AASDH: variants seen among roughly 807,000 people sequenced by gnomAD.
AASDH encodes beta-alanine-activating enzyme.
Under a neutral mutation model 102.3 loss-of-function variants are expected in AASDH, and 81 were observed. The ratio of observed to expected loss-of-function variants is 0.79; its 90% CI spans 0.66 to 0.95. The LOEUF (loss-of-function observed/expected upper bound fraction) is 0.95. Among genes scored for constraint, AASDH ranks in the 40% least tolerant of loss-of-function variants. AASDH has a pLI of 0.00. For synonymous variants in AASDH, 398 were observed against 454.0 expected (o/e 0.88, Z 1.57); for missense variants, 1,203 against 1,266.2 (o/e 0.95, Z 0.76).
intron 5 of AASDH, chr4:56,356,213 G>A: frequency 1.3e-6 from 1 of 756,220 alleles, no homozygotes; most frequent in Non-Finnish European, 2.4e-6. Flanking sequence ...CAAGAAAGTG[G>A]TGAATCCCCT....
intron 11 of AASDH, among the ~76,000 whole-genome samples, chr4:56,345,574 C>T (rs2109857493): frequency 6.6e-6 from 1 of 152,220 alleles, no homozygotes; most frequent in African/African-American, 2.4e-5. Flanking sequence ...TAATAAAGTA[C>T]ACTGTGGTGG....
chr4:56,362,623 T>C (rs955600769), intron 5 of AASDH, among the ~76,000 whole-genome samples: 7 of 152,148 alleles, frequency 4.6e-5, no homozygotes, highest in African/African-American at 1.7e-4. Context: ...GGTTTTTATT[T>C]GTAAATAAAA....
At chr4:56,387,080 C>T (rs1753657355) in intron 1 of AASDH, among the ~76,000 whole-genome samples, 1 of 152,148 alleles carries the variant, frequency 6.6e-6, no homozygotes, top group Non-Finnish European at 1.5e-5. Context: ...GCTTCCTAAA[C>T]ATTTCTTCAT....
chr4:56,385,249 T>C (rs999611675), intron 1 of AASDH, among the ~76,000 whole-genome samples: 2 of 152,198 alleles, frequency 1.3e-5, no homozygotes, highest in Non-Finnish European at 2.9e-5. Flanking sequence ...ATAAAAACAG[T>C]GTTTATTACT....
chr4:56,384,481 A>G, intron 1 of AASDH, 140 bp from the exon 2 acceptor site: 1 of 570,282 alleles, frequency 1.8e-6, no homozygotes, highest in East Asian at 2.9e-5. Context: ...TGAACTTATG[A>G]AATTATGGTA....
intron 11 of AASDH, among the ~76,000 whole-genome samples, chr4:56,348,589 A>G (rs1748600056): frequency 6.6e-6 from 1 of 152,142 alleles, no homozygotes; most frequent in Non-Finnish European, 1.5e-5. Context: ...AAGAAAACAA[A>G]AAATGATGGT....
chr4:56,349,752 T>C lies in AASDH; in HGVS notation c.1999A>G (p.Met667Val). ...SGTSLHQKAI[M>V]TFTCHNEINA... is the part of the protein sequence containing the mutation. ...ATCTCATTGTGGCAAGTGAAAGTCA[T>C]GATGGCTTTCTGATGTAAAGATGTT... Residue 667 changes from methionine to valine, a missense_variant, in exon 11 of 15, where the codon ATG becomes GTG. Coordinates refer to ENST00000205214, the MANE Select transcript of AASDH (RefSeq NM_181806.4). 6.2e-7 allele frequency: 1 copy of C among 1,614,214 alleles called. No individual in the cohort carries two copies. Among genetic ancestry groups the C allele is most frequent in the Non-Finnish European group, 8.5e-7 (1 of 1,180,028 alleles).
chr4:56,350,109 A>C, intron 10 of AASDH, 51 bp from the exon 11 acceptor site: 3 of 1,380,394 alleles, frequency 2.2e-6, no homozygotes, highest in Non-Finnish European at 2.9e-6. Context: ...TAAAAGCAAA[A>C]GACTTCAACA....
intron 4 of AASDH, among the ~76,000 whole-genome samples, chr4:56,376,301 A>G (rs1752333769): frequency 6.6e-6 from 1 of 152,192 alleles, no homozygotes; most frequent in South Asian, 2.1e-4. Context: ...GTGGGATTAC[A>G]GGCATGAGCC....
intron 3 of AASDH, 104 bp from the exon 4 acceptor site, chr4:56,378,568 G>A: frequency 9.5e-7 from 1 of 1,051,374 alleles, no homozygotes; most frequent in Non-Finnish European, 1.4e-6. Context: ...TATCCTTGGG[G>A]GAATTGGTTC....
intron 5 of AASDH, among the ~76,000 whole-genome samples, chr4:56,370,042 G>A (rs1442290717): frequency 1.3e-5 from 2 of 151,704 alleles, no homozygotes; most frequent in Non-Finnish European, 2.9e-5. Context: ...CTGAATGTTT[G>A]TGTCTCCCCC....
Position 56,355,408 on chromosome 4 carries a change from G to A in AASDH, c.877C>T (p.Leu293Phe). The A allele has an allele frequency of 6.2e-7, 1 of 1,613,646 alleles. No homozygotes were observed. The highest frequency in any genetic ancestry group is 8.5e-7 in the Non-Finnish European group (1 of 1,179,678). Reference sequence around the variant, plus strand: ...ATAAGCTGAGATCCAAATCTTCTAAGCAATGTTGGTGTTGCCTGTAGATAC... The same window carrying A: ...ATAAGCTGAGATCCAAATCTTCTAAACAATGTTGGTGTTGCCTGTAGATAC... ...VTVLQATPTLLRRFGSQLIKS... is the reference protein window; with the variant it reads ...VTVLQATPTLFRRFGSQLIKS... The change falls in exon 6 of 15, where the codon CTT becomes TTT. Residue 293 changes from leucine (L) to phenylalanine (F), a missense_variant. Physicochemically the swap from Leu to Phe is conservative, Grantham distance 22 (BLOSUM62 0). Transcript: ENST00000205214.
chr4:56,384,320 C>T lies in AASDH; in HGVS notation c.-21G>A, dbSNP rs372003501. The T allele has an allele frequency of 1.0e-5, 16 of 1,606,912 alleles. No homozygotes were observed. The East Asian group carries it at 1.3e-4, about 13-fold the overall frequency. ...GTCATTTCACTGAAGTTTATCTAAA[C>T]ATCAATTTGTAGCACAGAACCCTGT... On this transcript the variant is annotated 5_prime_UTR_variant, in exon 2 of 15. The change abolishes an upstream ATG in the 5' untranslated region. Coordinates refer to ENST00000205214, the MANE Select transcript of AASDH (RefSeq NM_181806.4).
chr4:56,354,745 A>G lies in AASDH; in HGVS notation c.1170T>C (p.Asn390=), dbSNP rs1233626503. 2 of 1,611,368 alleles carry G rather than the reference A, an allele frequency of 1.2e-6. No homozygotes were observed. Among genetic ancestry groups the G allele is most frequent in the Admixed American group, 1.7e-5 (1 of 59,550 alleles). Residue 390 remains asparagine, a synonymous_variant, in exon 7 of 15, where the codon AAT becomes AAC. Coordinates refer to ENST00000205214, the MANE Select transcript of AASDH (RefSeq NM_181806.4). ...CACTGCCTTCCTGAATTGTGAAGCC[A>G]TTAGTATCTCTGACTTCAACTACTG... is the stretch of plus-strand genomic sequence containing the variant. The part of the protein sequence containing the change: ...LGTVVEVRDT[N]GFTIQEGSGQ...
At chr4:56,352,495 G>A (rs543206008) in intron 9 of AASDH, among the ~76,000 whole-genome samples, 119 of 152,262 alleles carry the variant, frequency 7.8e-4, no homozygotes, top group African/African-American at 2.6e-3. Flanking sequence ...CTGGGTTCAA[G>A]CGATCCTCCC....
intron 11 of AASDH, among the ~76,000 whole-genome samples, chr4:56,346,451 T>C (rs1367743811): frequency 2.0e-5 from 3 of 152,092 alleles, no homozygotes; most frequent in Non-Finnish European, 2.9e-5. Context: ...GAAAATCTTT[T>C]TGACCTTGGG....
intron 8 of AASDH, 58 bp from the exon 9 acceptor site, chr4:56,353,654 A>G: frequency 6.9e-7 from 1 of 1,447,422 alleles, no homozygotes; most frequent in Non-Finnish European, 9.3e-7. Flanking sequence ...AGCTTCCTAA[A>G]AGCTTATTTT....
chr4:56,368,347 G>T (rs1315306857), intron 5 of AASDH, among the ~76,000 whole-genome samples: 1 of 152,140 alleles, frequency 6.6e-6, no homozygotes, highest in Non-Finnish European at 1.5e-5. Flanking sequence ...AATTCCATTT[G>T]ACCCAGCCAT....
At chr4:56,361,688 G>T (rs2109928234) in intron 5 of AASDH, among the ~76,000 whole-genome samples, 1 of 152,238 alleles carries the variant, frequency 6.6e-6, no homozygotes, top group East Asian at 1.9e-4. Flanking sequence ...TTTACTTTTA[G>T]ACCATGCATG....
Sources: gnomAD v4.1 joint callset for allele counts (sites outside exome capture counted in the v4.1 genomes callset) on GRCh38, gnomAD v4.1.1 for gene constraint, MANE v1.5 for transcripts, NCBI Gene and HGNC (gene_info 2026-07-23, HGNC 2026-07-21) for gene names.